CIAO3: variants seen among roughly 807,000 people sequenced by gnomAD.
The protein encoded by CIAO3 is cytosolic iron-sulfur assembly component 3, also known as LET1 like/JFP15.
In CIAO3, 45 loss-of-function variants were observed where a neutral mutation model predicts 51.5. The observed-to-expected ratio is 0.87, with a 90% CI of 0.69 to 1.12. CIAO3 has a LOEUF of 1.12. CIAO3 is among the 50% of genes most tolerant of loss of function. The pLI is 0.00. For missense variants in CIAO3, 668 were observed against 632.5 expected (o/e 1.06, Z -0.60); for synonymous variants, 314 against 269.3 (o/e 1.17, Z -1.63).
At chr16:731,263 C>T in intron 9 of CIAO3, 2 of 621,598 alleles carry the variant, frequency 3.2e-6, no homozygotes, top group South Asian at 4.1e-5. Context: ...GGCCCTGGCC[C>T]TCCCTCCTGG....
intron 6 of CIAO3, 121 bp from the exon 7 acceptor site, chr16:733,548 T>C: frequency 6.9e-7 from 1 of 1,459,134 alleles, no homozygotes; most frequent in South Asian, 1.3e-5. Flanking sequence ...CCTCACTCCA[T>C]TTCCCAGCAA....
Position 732,319 on chromosome 16 carries a change from G to C in CIAO3, c.878C>G (p.Pro293Arg), listed in dbSNP as rs757490384. The change falls in exon 8 of 11, where the codon CCA (proline) becomes CGA (arginine). Residue 293 changes from proline to arginine, a missense_variant. Physicochemically the swap from Pro to Arg is moderately radical, Grantham distance 103 (BLOSUM62 -2). Coordinates refer to ENST00000251588, the MANE Select transcript of CIAO3 (RefSeq NM_022493.3). ...EEGVSLPDLE[P>R]APLDSLCSGA... Reference sequence around the variant, plus strand: ...TACGTACAGGCTGTCCAGAGGGGCTGGTTCCAGGTCGGGGAGGGAGACGCC... The same window carrying C: ...TACGTACAGGCTGTCCAGAGGGGCTCGTTCCAGGTCGGGGAGGGAGACGCC... The C allele has an allele frequency of 1.4e-5, 22 of 1,612,768 alleles. No individual in the cohort carries two copies. The highest frequency in any genetic ancestry group is 1.6e-4 in the Middle Eastern group (1 of 6,082).
intron 9 of CIAO3, 158 bp from the exon 10 acceptor site, chr16:731,158 G>A: frequency 6.2e-6 from 6 of 966,124 alleles, no homozygotes; most frequent in Non-Finnish European, 9.0e-6. Context: ...GGAGAGAGAG[G>A]GTGGAAGGCT....
chr16:732,451 A>G lies in CIAO3; in HGVS notation c.824-78T>C, dbSNP rs750622660. On this transcript the variant is annotated intron_variant, in intron 7 of 10. Coordinates refer to ENST00000251588, the MANE Select transcript of CIAO3 (RefSeq NM_022493.3). Reference sequence around the variant, plus strand: ...GTCAGAGAACATCCAAGCCACCTGCATCCCCAGCAGTCTGCACTTTGGCCC... The same window carrying G: ...GTCAGAGAACATCCAAGCCACCTGCGTCCCCAGCAGTCTGCACTTTGGCCC... 14 of 1,523,188 alleles carry G rather than the reference A, an allele frequency of 9.2e-6. 1 individual carries two copies. Among genetic ancestry groups the G allele is most frequent in the Non-Finnish European group, 1.2e-5 (13 of 1,104,050 alleles). The allele number at this position is 1,523,188 out of a possible 1,614,324, so 94.4% of individuals were successfully genotyped here. A position where few individuals can be genotyped will look rare whatever the true frequency, so the allele number is the denominator to read the frequency against.
chr16:734,391 G>A (rs375679071), intron 5 of CIAO3, 44 bp from the exon 6 acceptor site: 302 of 1,401,650 alleles, frequency 2.2e-4, no homozygotes, highest in Non-Finnish European at 2.8e-4. Flanking sequence ...GGCGCACGGC[G>A]GCCCCCGCAC....
chr16:732,585 G>A, intron 7 of CIAO3: 1 of 665,888 alleles, frequency 1.5e-6, no homozygotes, highest in Non-Finnish European at 2.8e-6. Flanking sequence ...TGTGCCAGCG[G>A]CCAGGCCACT....
rs137867689 is a variant in CIAO3, at chr16:729,846, C to A, written c.*571G>T. The A allele has an allele frequency of 1.7e-6, 1 of 587,526 alleles. No homozygotes were observed. The highest frequency in any genetic ancestry group is 2.6e-6 in the Non-Finnish European group (1 of 385,052). 36.4% of individuals were successfully genotyped at this position (587,526 alleles called of 1,614,324 possible). ...CCTGGCTGGGGGATGATGCAGCCCG[C>A]GATGGCTGCTGCTTCGTACTTGGCT... is the stretch of plus-strand genomic sequence containing the variant. On this transcript the variant is annotated 3_prime_UTR_variant, in exon 11 of 11. Coordinates refer to ENST00000251588, the MANE Select transcript of CIAO3 (RefSeq NM_022493.3).
chr16:731,458 C>T (rs1408140029), intron 9 of CIAO3, 107 bp downstream of exon 9: 9 of 1,399,826 alleles, frequency 6.4e-6, no homozygotes, highest in Non-Finnish European at 8.4e-6. Context: ...GCAGGCTGCC[C>T]TCCACCCAGC....
At chr16:734,614 G>A (rs773897165) in intron 5 of CIAO3, 123 bp downstream of exon 5, 28 of 1,541,086 alleles carry the variant, frequency 1.8e-5, no homozygotes, top group Non-Finnish European at 2.3e-5. Context: ...TTTCCAACCC[G>A]TCCCGCAAAA....
intron 2 of CIAO3, 138 bp downstream of exon 2, chr16:739,505 G>C: frequency 3.5e-6 from 3 of 858,634 alleles, no homozygotes; most frequent in South Asian, 2.9e-5. Flanking sequence ...CCAGATGGCA[G>C]GTGAATTCGA....
rs1234956007 is a variant in CIAO3, at chr16:734,976, C to T, written c.440-105G>A. 5 of 1,402,474 alleles carry T rather than the reference C, an allele frequency of 3.6e-6. No homozygotes were observed. The East Asian group carries it at 7.6e-5, about 21-fold the overall frequency. The allele number at this position is 1,402,474 out of a possible 1,614,324, so 86.9% of individuals were successfully genotyped here. A position where few individuals can be genotyped will look rare whatever the true frequency, so the allele number is the denominator to read the frequency against. On this transcript the variant is annotated intron_variant, in intron 4 of 10. Transcript: ENST00000251588. The stretch of plus-strand genomic sequence containing the variant: ...GTGCTGCCAGGGCACGTGTGTCGCA[C>T]CTGCTTGCCGTGCCAAAGCCCCGGC...
At position 730,316 on chromosome 16, in the gene CIAO3, C is replaced by T. The variant is rs993543327; in HGVS notation, c.*101G>A. ...CCTACTCGGGTCCCAGCACACCCTG[C>T]AGCTCACTCAGAATTTTGGGGGAAG... On this transcript the variant is annotated 3_prime_UTR_variant, in exon 11 of 11. Transcript: ENST00000251588. 4.3e-5 allele frequency: 52 copies of T among 1,220,160 alleles called. No homozygotes were observed. Among genetic ancestry groups the T allele is most frequent in the Non-Finnish European group, 5.5e-5 (47 of 854,888 alleles). The allele number at this position is 1,220,160 out of a possible 1,614,324, so 75.6% of individuals were successfully genotyped here.
At position 737,190 on chromosome 16, in the gene CIAO3, T is replaced by A; in HGVS notation, c.302A>T (p.Asn101Ile). 1 of 1,613,740 alleles carries A rather than the reference T, an allele frequency of 6.2e-7. No homozygotes were observed. The highest frequency in any genetic ancestry group is 1.1e-5 in the South Asian group (1 of 91,084). ...ACCAGGCCGACCACTGCTTACCTTG[T>A]TAGCATCTAGAACCTTCTTCAGCTC... ...HEELKKVLDA[N>I]KMAAPSQQRL... Residue 101 changes from asparagine to isoleucine, a missense_variant, in exon 3 of 11, where the codon AAC becomes ATC. Coordinates refer to ENST00000251588, the MANE Select transcript of CIAO3 (RefSeq NM_022493.3). This position sits in a 1 kb window ranked among gnomAD's most constrained non-coding sequence, Gnocchi z 5.3.
chr16:740,893 C>A, intron 1 of CIAO3, 27 bp downstream of exon 1: 1 of 1,525,676 alleles, frequency 6.6e-7, no homozygotes. Context: ...AGCGCAGCCT[C>A]GACCCCGCCC....
At position 740,990 on chromosome 16, in the gene CIAO3, G is replaced by A; in HGVS notation, c.-5C>T. 2 of 1,498,276 alleles carry A rather than the reference G, an allele frequency of 1.3e-6. No homozygotes were observed. The highest frequency in any genetic ancestry group is 1.8e-6 in the Non-Finnish European group (2 of 1,126,632). 92.8% of individuals were successfully genotyped at this position (1,498,276 alleles called of 1,614,324 possible). A position where few individuals can be genotyped will look rare whatever the true frequency, so the allele number is the denominator to read the frequency against. ...CCCGCTGAAGGGCGACGCCATGACG[G>A]CCGCACTGCCGCCGCGCGCAGGTGT... On this transcript the variant is annotated 5_prime_UTR_variant, in exon 1 of 11. Coordinates refer to ENST00000251588, the MANE Select transcript of CIAO3 (RefSeq NM_022493.3).
intron 10 of CIAO3, 32 bp downstream of exon 10, chr16:730,811 G>C: frequency 6.2e-7 from 1 of 1,608,750 alleles, no homozygotes; most frequent in Non-Finnish European, 8.5e-7. Context: ...TCCCAGAAGG[G>C]GTCCTCGTGT....
chr16:735,876 C>G (rs2041332303), intron 4 of CIAO3, among the ~76,000 whole-genome samples: 1 of 152,196 alleles, frequency 6.6e-6, no homozygotes, highest in South Asian at 2.1e-4. Flanking sequence ...GCACTGGAGC[C>G]TAGTTAGCTG....
At chr16:739,531 TG>T in intron 2 of CIAO3, 111 bp downstream of exon 2, 1 of 1,070,308 alleles carries the variant, frequency 9.3e-7, no homozygotes. Flanking sequence ...GGGAAAAGAC[TG>T]GTGAGACCTG....
In CIAO3 at chr16:734,212, T is replaced by C. The variant is rs1160516078; in HGVS notation, c.693+17A>G. ...CCGCTCCCCAGCCTGAGTCTGGGGC[T>C]GGCCCAACGCCGTTACCTGCTGCTG... On this transcript the variant is annotated intron_variant, in intron 6 of 10. Transcript: ENST00000251588. The C allele has an allele frequency of 6.2e-6, 10 of 1,606,312 alleles. No homozygotes were observed. Among genetic ancestry groups the C allele is most frequent in the South Asian group, 1.1e-5 (1 of 91,018 alleles).
Sources: allele counts gnomAD v4.1 joint callset (sites outside exome capture counted in the v4.1 genomes callset), GRCh38; gene constraint gnomAD v4.1.1; non-coding constraint Gnocchi (gnomAD v3.1); transcripts MANE v1.5; gene names NCBI Gene and HGNC (gene_info 2026-07-23, HGNC 2026-07-21).